PCDHGB4: variants seen among roughly 807,000 people sequenced by gnomAD.
PCDHGB4 encodes the protein protocadherin gamma subfamily B, 4.
PCDHGB4 carries 38 observed loss-of-function variants against 60.5 expected under a neutral mutation model. The ratio of observed to expected loss-of-function variants is 0.63; its 90% CI spans 0.48 to 0.82. The LOEUF is 0.82. PCDHGB4 is among the 40% of genes least tolerant of loss of function. The pLI is 0.00. For synonymous variants in PCDHGB4, 456 were observed against 509.7 expected, an observed-to-expected ratio of 0.89 and a Z score of 1.42; for missense variants, 1,109 against 1,209.6, an observed-to-expected ratio of 0.92 and a Z score of 1.23.
At chr5:141,467,537 A>G (rs2154569542) in intron 1 of PCDHGB4, among the ~76,000 whole-genome samples, 1 of 152,192 alleles carries the variant, frequency 6.6e-6, no homozygotes, top group Non-Finnish European at 1.5e-5. Context: ...TGAGATATGG[A>G]TCTGATTATA....
Position 141,485,855 on chromosome 5 carries a change from C to A in PCDHGB4, c.2398-8952C>A. ...CCCGCCGAGATCTGGCACCGCAGAG[C>A]TCCGGGTATCCGTGCTGGACGTAAA... On this transcript the variant is annotated intron_variant, in intron 1 of 3. Transcript: ENST00000519479. The surrounding 1 kb of genome is among the most constrained non-coding windows in gnomAD (Gnocchi z 5.7). 6.2e-7 allele frequency: 1 copy of A among 1,614,196 alleles called. No homozygotes were observed. Among genetic ancestry groups the A allele is most frequent in the Non-Finnish European group, 8.5e-7 (1 of 1,180,036 alleles).
chr5:141,506,544 G>GT (rs2099854759), intron 3 of PCDHGB4, among the ~76,000 whole-genome samples: 1 of 151,880 alleles, frequency 6.6e-6, no homozygotes, highest in Non-Finnish European at 1.5e-5. Flanking sequence ...GAGTCCTTAG[G>GT]TAAGTTATTA....
Position 141,477,197 on chromosome 5 carries a change from G to C in PCDHGB4, c.2398-17610G>C, listed in dbSNP as rs781504885. 6.2e-7 allele frequency: 1 copy of C among 1,614,210 alleles called. No homozygotes were observed. Among genetic ancestry groups the C allele is most frequent in the South Asian group, 1.1e-5 (1 of 91,082 alleles). On this transcript the variant is annotated intron_variant, in intron 1 of 3. Transcript: ENST00000519479. The surrounding 1 kb of genome is among the most constrained non-coding windows in gnomAD (Gnocchi z 4.9). ...CACAGTCACCTCCGTGTACAGCCCA[G>C]TACCCGAGGATGCCCCTCTGGGGAC...
chr5:141,511,182 C>A lies in PCDHGB4; in HGVS notation c.*9C>A. ...AGAAGGAGAAGAAGTAACATGGAGG[C>A]CAGGCCAAGAGCCACAGGGCGGCCT... is the stretch of plus-strand genomic sequence containing the variant. On this transcript the variant is annotated 3_prime_UTR_variant, in exon 4 of 4. Transcript: ENST00000519479. 6.2e-7 allele frequency: 1 copy of A among 1,614,022 alleles called. No homozygotes were observed. Among genetic ancestry groups the A allele is most frequent in the Non-Finnish European group, 8.5e-7 (1 of 1,179,946 alleles).
At chr5:141,497,212 G>C (rs968445663) in intron 2 of PCDHGB4, among the ~76,000 whole-genome samples, 2 of 151,018 alleles carry the variant, frequency 1.3e-5, no homozygotes, top group East Asian at 3.9e-4. Context: ...AGTGTAATGG[G>C]GGGGGGAAGA....
intron 1 of PCDHGB4, among the ~76,000 whole-genome samples, chr5:141,425,919 G>A (rs11167745): frequency 2.0e-5 from 3 of 152,174 alleles, no homozygotes; most frequent in East Asian, 1.9e-4. Flanking sequence ...CAGTCACTAC[G>A]AAAACTCATA....
chr5:141,405,222 T>A, intron 1 of PCDHGB4: 5 of 1,613,886 alleles, frequency 3.1e-6, no homozygotes, highest in Non-Finnish European at 4.2e-6. Context: ...TCTCAGGAGT[T>A]CTCCCTCACC....
At chr5:141,506,278 G>A (rs1001662623) in intron 3 of PCDHGB4, among the ~76,000 whole-genome samples, 1 of 152,090 alleles carries the variant, frequency 6.6e-6, no homozygotes. Flanking sequence ...GTGAAACCCT[G>A]TCTCTACTAA....
chr5:141,419,769 C>A (rs773303779), intron 1 of PCDHGB4: 14 of 1,614,006 alleles, frequency 8.7e-6, no homozygotes, highest in East Asian at 4.5e-5. Context: ...GACAAGGACT[C>A]GGTCCGCCAG....
rs375436846 is a variant in PCDHGB4, at chr5:141,399,581, A to T, written c.2397+9300A>T. ...TTGGGGTTGAACGGCCAAGTCTCCT[A>T]CTCTATCATGGCCAGCGACCTAGAG... is the stretch of plus-strand genomic sequence containing the variant. On this transcript the variant is annotated intron_variant, in intron 1 of 3. Coordinates refer to ENST00000519479, the MANE Select transcript of PCDHGB4 (RefSeq NM_003736.4). 9.9e-6 allele frequency: 16 copies of T among 1,613,788 alleles called. No homozygotes were observed. The African/African-American group carries it at 1.9e-4, about 19-fold the overall frequency.
At position 141,476,402 on chromosome 5, in the gene PCDHGB4, G is replaced by A. The variant is rs775511298; in HGVS notation, c.2398-18405G>A. The stretch of plus-strand genomic sequence containing the variant: ...TGTGAACGACCGTCTGGATCGAGAG[G>A]AGCTGTGTGGGACACTGCCCTCTTG... On this transcript the variant is annotated intron_variant, in intron 1 of 3. Coordinates refer to ENST00000519479, the MANE Select transcript of PCDHGB4 (RefSeq NM_003736.4). This position sits in a 1 kb window ranked among gnomAD's most constrained non-coding sequence, Gnocchi z 7.6. 9 of 1,613,992 alleles carry A rather than the reference G, an allele frequency of 5.6e-6. No individual in the cohort carries two copies. Among genetic ancestry groups the A allele is most frequent in the African/African-American group, 1.3e-5 (1 of 74,904 alleles).
At chr5:141,506,084 C>T (rs1426222889) in intron 3 of PCDHGB4, among the ~76,000 whole-genome samples, 8 of 152,068 alleles carry the variant, frequency 5.3e-5, no homozygotes, top group African/African-American at 1.9e-4. Flanking sequence ...AATAGAGATT[C>T]GGCTAGTGGT....
In PCDHGB4 at chr5:141,399,312, A is replaced by C. The variant is rs142753281; in HGVS notation, c.2397+9031A>C. 774 of 1,613,972 alleles carry C rather than the reference A, an allele frequency of 4.8e-4. 4 individuals carry two copies. The African/African-American group carries it at 8.9e-3, about 19-fold the overall frequency. ...CTTTTAAGATTATCTCTTCATCCAAAAATTCGTATAAGTTGGTAACAGATG... is the reference window on the plus strand; with the variant it reads ...CTTTTAAGATTATCTCTTCATCCAACAATTCGTATAAGTTGGTAACAGATG... On this transcript the variant is annotated intron_variant, in intron 1 of 3. Transcript: ENST00000519479.
chr5:141,438,789 G>C (rs970735448), intron 1 of PCDHGB4, among the ~76,000 whole-genome samples: 23 of 149,578 alleles, frequency 1.5e-4, no homozygotes, highest in African/African-American at 5.4e-4. Flanking sequence ...AGCCTCTCCA[G>C]TAGCTGGGAT....
chr5:141,435,882 C>G (rs780080571), intron 1 of PCDHGB4, among the ~76,000 whole-genome samples: 1 of 152,060 alleles, frequency 6.6e-6, no homozygotes, highest in African/African-American at 2.4e-5. Context: ...AGATTGGAAA[C>G]CCCTTAGAGA....
At chr5:141,488,385 G>A (rs917106670) in intron 1 of PCDHGB4, among the ~76,000 whole-genome samples, 11 of 152,164 alleles carry the variant, frequency 7.2e-5, no homozygotes, top group Non-Finnish European at 1.5e-5. Context: ...TCCTGAATTT[G>A]GTGAAACCAT....
At chr5:141,403,046 C>T in intron 1 of PCDHGB4, 1 of 1,614,056 alleles carries the variant, frequency 6.2e-7, no homozygotes, top group Non-Finnish European at 8.5e-7. Flanking sequence ...CAGTCAGATT[C>T]GCTACTCAGT....
Position 141,489,640 on chromosome 5 carries a change from G to A in PCDHGB4, c.2398-5167G>A. The A allele has an allele frequency of 1.2e-6, 2 of 1,614,146 alleles. No individual in the cohort carries two copies. Among genetic ancestry groups the A allele is most frequent in the Non-Finnish European group, 1.7e-6 (2 of 1,180,010 alleles). Reference sequence around the variant, plus strand: ...TCTCAATGACAACTCTCCTAGCTTTGCCACCCCTGAGCGAGAGATGCGCAT... The same window carrying A: ...TCTCAATGACAACTCTCCTAGCTTTACCACCCCTGAGCGAGAGATGCGCAT... On this transcript the variant is annotated intron_variant, in intron 1 of 3. Transcript: ENST00000519479. The surrounding 1 kb of genome is among the most constrained non-coding windows in gnomAD (Gnocchi z 4.5).
At chr5:141,412,198 G>T (rs1248911071) in intron 1 of PCDHGB4, 1 of 152,180 alleles carries the variant, frequency 6.6e-6, no homozygotes, top group African/African-American at 2.4e-5. Flanking sequence ...ATGAAAACAG[G>T]TCATTTGACA....
Sources: gnomAD v4.1 joint callset for allele counts (sites outside exome capture counted in the v4.1 genomes callset) on GRCh38, gnomAD v4.1.1 for gene constraint, Gnocchi (gnomAD v3.1) non-coding constraint, MANE v1.5 for transcripts, NCBI Gene and HGNC (gene_info 2026-07-23, HGNC 2026-07-21) for gene names.